The following CXCL13 variants were observed in gnomAD, a reference collection of about 807,000 sequenced individuals.
The protein encoded by CXCL13 is C-X-C motif chemokine 13.
Under a neutral mutation model 12.2 loss-of-function variants are expected in CXCL13, and 7 were observed. That is an observed-to-expected ratio of 0.57 (90% CI 0.33 to 1.07). The LOEUF (loss-of-function observed/expected upper bound fraction) is 1.07. Ranked by LOEUF, CXCL13 falls within the 50% of genes least tolerant of loss-of-function variation. CXCL13 has a pLI of 0.04. For synonymous variants in CXCL13, 47 were observed against 42.4 expected, an observed-to-expected ratio of 1.11 and a Z score of -0.42; for missense variants, 113 against 127.4, an observed-to-expected ratio of 0.89 and a Z score of 0.55.
intron 1 of CXCL13, among the ~76,000 whole-genome samples, chr4:77,565,511 T>G (rs355663): frequency 0.38 from 57,913 of 152,038 alleles, 13,096 homozygotes; most frequent in African/African-American, 0.64. Context: ...TACAGTGTTT[T>G]CATCAGGAAA....
upstream of CXCL13, among the ~76,000 whole-genome samples, chr4:77,604,670 G>A (rs913269794): frequency 2.0e-5 from 3 of 152,120 alleles, no homozygotes; most frequent in African/African-American, 4.8e-5. Context: ...CTGTCACTGC[G>A]TTCAGGCTGA....
upstream of CXCL13, among the ~76,000 whole-genome samples, chr4:77,603,197 G>C (rs576301507): frequency 1.4e-4 from 21 of 152,220 alleles, no homozygotes; most frequent in African/African-American, 5.1e-4. Flanking sequence ...ATAGTACTTA[G>C]AGGTAAATGT....
At chr4:77,595,675 C>A (rs1236317610) in intron 1 of CXCL13, among the ~76,000 whole-genome samples, 1 of 152,174 alleles carries the variant, frequency 6.6e-6, no homozygotes, top group Non-Finnish European at 1.5e-5. Context: ...TCCTGCACCC[C>A]CAAAGAGCAC....
intron 1 of CXCL13, among the ~76,000 whole-genome samples, chr4:77,600,025 T>G (rs1726854109): frequency 6.6e-6 from 1 of 152,116 alleles, no homozygotes; most frequent in East Asian, 1.9e-4. Context: ...TAAGCAAATT[T>G]TTGAGCAACT....
chr4:77,516,890 T>C (rs1724434916), intron 1 of CXCL13, among the ~76,000 whole-genome samples: 1 of 152,234 alleles, frequency 6.6e-6, no homozygotes, highest in African/African-American at 2.4e-5. Flanking sequence ...CTTCTTTTAA[T>C]TTGATGTTAG....
At position 77,610,816 on chromosome 4, in the gene CXCL13, T is replaced by G. The variant is rs1727132471; in HGVS notation, c.278+122T>G. The G allele has an allele frequency of 3.2e-6, 3 of 942,318 alleles. No homozygotes were observed. The South Asian group carries it at 4.2e-5, about 13-fold the overall frequency. 58.4% of individuals were successfully genotyped at this position (942,318 alleles called of 1,614,324 possible). On this transcript the variant is annotated intron_variant, in intron 3 of 3. Transcript: ENST00000682537. ...GAAGTTCCTAAGACAAATGTGTGTTTTTCACTGTTATTGCTTATCAGATGG... is the reference window on the plus strand; with the variant it reads ...GAAGTTCCTAAGACAAATGTGTGTTGTTCACTGTTATTGCTTATCAGATGG...
At chr4:77,559,921 CAAAAA>C (rs751894798) in intron 1 of CXCL13, among the ~76,000 whole-genome samples, 1 of 77,136 alleles carries the variant, frequency 1.3e-5, no homozygotes, top group South Asian at 4.5e-4. Flanking sequence ...GACTCCATCA[CAAAAA>C]AAAAAAAAAA....
intron 1 of CXCL13, among the ~76,000 whole-genome samples, chr4:77,541,521 T>C (rs1344579548): frequency 2.0e-5 from 3 of 152,230 alleles, no homozygotes; most frequent in Admixed American, 1.3e-4. Context: ...CAGATGGCTG[T>C]AGGCGTATGG....
chr4:77,595,873 A>C (rs552379149), intron 1 of CXCL13, among the ~76,000 whole-genome samples: 1 of 152,248 alleles, frequency 6.6e-6, no homozygotes, highest in South Asian at 2.1e-4. Context: ...TTTCTGTCCC[A>C]CTTCCTAAGA....
intron 1 of CXCL13, among the ~76,000 whole-genome samples, chr4:77,546,099 A>C (rs1301699540): frequency 6.6e-6 from 1 of 152,116 alleles, no homozygotes; most frequent in Non-Finnish European, 1.5e-5. Context: ...GGATGAAGCC[A>C]ACTTGATCGT....
chr4:77,517,359 C>T (rs1207494394), intron 1 of CXCL13, among the ~76,000 whole-genome samples: 1 of 152,040 alleles, frequency 6.6e-6, no homozygotes, highest in Non-Finnish European at 1.5e-5. Flanking sequence ...TCCTGGGTAT[C>T]CTTGTTGACT....
intron 3 of CXCL13, 131 bp downstream of exon 3, chr4:77,610,825 T>C: frequency 1.1e-6 from 1 of 920,510 alleles, no homozygotes; most frequent in Non-Finnish European, 1.8e-6. Context: ...TTTTCACTGT[T>C]ATTGCTTATC....
intron 1 of CXCL13, among the ~76,000 whole-genome samples, chr4:77,512,026 T>C (rs1262703485): frequency 3.3e-5 from 5 of 152,194 alleles, no homozygotes; most frequent in African/African-American, 1.2e-4. Context: ...TTCCAGGTAA[T>C]GGAGAGAGGC....
chr4:77,518,587 C>G (rs1724491704), intron 1 of CXCL13, among the ~76,000 whole-genome samples: 1 of 152,214 alleles, frequency 6.6e-6, no homozygotes, highest in Non-Finnish European at 1.5e-5. Context: ...TTGATCGCAT[C>G]AGCTCCTGAG....
intron 1 of CXCL13, among the ~76,000 whole-genome samples, chr4:77,535,559 G>T (rs1230795667): frequency 2.1e-4 from 32 of 152,196 alleles, no homozygotes; most frequent in Admixed American, 2.1e-3. Flanking sequence ...CATGTTGGAA[G>T]TGACATATGC....
At chr4:77,562,130 C>A (rs1253083381) in intron 1 of CXCL13, among the ~76,000 whole-genome samples, 1 of 151,936 alleles carries the variant, frequency 6.6e-6, no homozygotes, top group East Asian at 2.0e-4. Context: ...GACCTGCAGC[C>A]CTCCCGGCAC....
chr4:77,531,130 T>TATTATTATC (rs1553914597), intron 1 of CXCL13, among the ~76,000 whole-genome samples: 9 of 144,990 alleles, frequency 6.2e-5, no homozygotes, highest in Admixed American at 5.5e-4. Context: ...TTATTATTAT[T>TATTATTATC]ATCATTATTA....
intron 1 of CXCL13, among the ~76,000 whole-genome samples, chr4:77,531,321 G>T (rs1178863087): frequency 8.1e-6 from 1 of 123,360 alleles, no homozygotes; most frequent in Non-Finnish European, 1.6e-5. Context: ...TCCCCTTCCT[G>T]TGTCCATGTG....
In CXCL13 at chr4:77,600,319, G is replaced by A. The variant is rs143139048; in HGVS notation, c.-42-5505G>A. On this transcript the variant is annotated intron_variant, in intron 1 of 4. Coordinates refer to the CXCL13 transcript ENST00000286758. ...AGAAGAGAAAAGAGCAAAGCAATAT[G>A]ACACTGAGAAGATTACTTGGGGGCA... 4.2e-3 allele frequency among the ~76,000 whole-genome samples: 643 copies of A among 152,228 alleles called. 4 individuals are homozygous for A. Among genetic ancestry groups the A allele is most frequent in the African/African-American group, 0.015 (604 of 41,540 alleles).
Sources: allele counts gnomAD v4.1 joint callset (sites outside exome capture counted in the v4.1 genomes callset), GRCh38; gene constraint gnomAD v4.1.1; transcripts MANE v1.5; gene names NCBI Gene and HGNC (gene_info 2026-07-23, HGNC 2026-07-21).